The following NTM variants were observed in gnomAD, a reference collection of about 807,000 sequenced individuals.
The protein encoded by NTM is neurotrimin, also known as IgLON family member 2.
A neutral mutation model predicts 42.1 loss-of-function variants in NTM; 13 were observed. That is an observed-to-expected ratio of 0.31 (90% CI 0.20 to 0.49). The LOEUF (loss-of-function observed/expected upper bound fraction) is 0.49. NTM is among the 20% of genes least tolerant of loss of function. The probability of loss-of-function intolerance (pLI) is 0.99; values close to 1 mark genes in which losing one functional copy is unlikely to be tolerated. For missense variants in NTM, 373 were observed against 452.8 expected (o/e 0.82, Z 1.60); for synonymous variants, 187 against 179.2 (o/e 1.04, Z -0.35).
intron 4 of NTM, among the ~76,000 whole-genome samples, chr11:132,258,765 G>A (rs908008988): frequency 1.1e-4 from 17 of 152,212 alleles, no homozygotes; most frequent in Admixed American, 3.9e-4. Flanking sequence ...GGGACACCAC[G>A]TGGAAAAGAG....
intron 1 of NTM, among the ~76,000 whole-genome samples, chr11:131,462,414 A>G (rs1951466512): frequency 6.6e-6 from 1 of 152,218 alleles, no homozygotes; most frequent in African/African-American, 2.4e-5. Flanking sequence ...GTTTTAAAAA[A>G]CAAACAGTGA....
intron 3 of NTM, among the ~76,000 whole-genome samples, chr11:132,171,871 T>A (rs550430198): frequency 1.3e-5 from 2 of 152,350 alleles, no homozygotes; most frequent in South Asian, 4.1e-4. Context: ...TGCCCCTCTC[T>A]TGTTGGGACT....
At chr11:131,758,914 T>C (rs112946998) in intron 1 of NTM, among the ~76,000 whole-genome samples, 11 of 152,184 alleles carry the variant, frequency 7.2e-5, no homozygotes, top group African/African-American at 1.9e-4. Context: ...TCTTAAAGCC[T>C]GTACCGGCCT....
At chr11:132,081,722 TAA>T (rs543753433) in intron 2 of NTM, among the ~76,000 whole-genome samples, 36 of 127,882 alleles carry the variant, frequency 2.8e-4, no homozygotes, top group Admixed American at 9.5e-4. Flanking sequence ...AGACTCCATC[TAA>T]AAAAAAAAAA....
chr11:132,189,267 C>A (rs1451616228), intron 3 of NTM, among the ~76,000 whole-genome samples: 1 of 152,064 alleles, frequency 6.6e-6, no homozygotes, highest in East Asian at 1.9e-4. Flanking sequence ...AAAGAAATAG[C>A]CCAAATGTAA....
chr11:131,725,840 C>A (rs903326898), intron 1 of NTM, among the ~76,000 whole-genome samples: 2 of 152,144 alleles, frequency 1.3e-5, no homozygotes, highest in Non-Finnish European at 2.9e-5. Context: ...CAAACTTCAG[C>A]GTGAATCAGA....
rs561980114 is a variant in NTM at position 131,992,859 on chromosome 11, T to C, written c.167+81211T>C. On this transcript the variant is annotated intron_variant, in intron 2 of 8. Transcript: ENST00000683400. ...ATGAGACTGGAGAGGAATGGTTGCA[T>C]TGGAAATACCCAGAGAAAGACACTG... Among the ~76,000 whole-genome samples, 198 of 152,178 alleles carry C rather than the reference T, an allele frequency of 1.3e-3. 2 individuals are homozygous for C. Among genetic ancestry groups the C allele is most frequent in the Non-Finnish European group, 2.0e-3 (134 of 68,016 alleles).
intron 1 of NTM, among the ~76,000 whole-genome samples, chr11:131,414,362 C>T (rs962613471): frequency 3.9e-5 from 6 of 152,142 alleles, no homozygotes; most frequent in Non-Finnish European, 7.4e-5. Context: ...TCTGGCCTGC[C>T]CATTGCTGAG....
chr11:132,307,864 G>A, intron 5 of NTM, 41 bp downstream of exon 5: 1 of 1,599,958 alleles, frequency 6.3e-7, no homozygotes, highest in Non-Finnish European at 8.5e-7. Flanking sequence ...CGTGCATCAG[G>A]CTGGCCTGTT....
chr11:132,078,423 GC>G (rs1461521881), intron 2 of NTM, among the ~76,000 whole-genome samples: 1 of 152,220 alleles, frequency 6.6e-6, no homozygotes, highest in East Asian at 1.9e-4. Flanking sequence ...CTGGGTGAGT[GC>G]CACCGGTGAC....
intron 2 of NTM, among the ~76,000 whole-genome samples, chr11:131,949,015 C>A (rs2060688488): frequency 6.6e-6 from 1 of 152,182 alleles, no homozygotes. Flanking sequence ...CCGGGAGACA[C>A]CATTCTACGG....
At chr11:132,063,940 A>G (rs1156616854) in intron 2 of NTM, among the ~76,000 whole-genome samples, 3 of 152,342 alleles carry the variant, frequency 2.0e-5, no homozygotes, top group African/African-American at 7.2e-5. Flanking sequence ...CACACTTAAC[A>G]TGACCCACAA....
chr11:132,065,358 C>G (rs1307467716), intron 2 of NTM, among the ~76,000 whole-genome samples: 2 of 152,122 alleles, frequency 1.3e-5, no homozygotes, highest in African/African-American at 4.8e-5. Flanking sequence ...CAAACATCAT[C>G]TCAGGGCAAA....
rs545409892 is a variant in NTM, at chr11:131,851,968, C to T, written c.83-59596C>T. Among the ~76,000 whole-genome samples, 9 of 152,270 alleles carry T rather than the reference C, an allele frequency of 5.9e-5. No homozygotes were observed. The East Asian group carries it at 9.7e-4, about 16-fold the overall frequency. The stretch of plus-strand genomic sequence containing the variant: ...TAATCCCCTAAATCAATTTGCCTGC[C>T]TGGAACCCGGGTCTGGGGTGCTTGC... On this transcript the variant is annotated intron_variant, in intron 1 of 8. Transcript: ENST00000683400.
intron 1 of NTM, among the ~76,000 whole-genome samples, chr11:131,376,152 G>A (rs532131273): frequency 4.1e-4 from 62 of 152,298 alleles, no homozygotes; most frequent in South Asian, 2.3e-3. Flanking sequence ...CCCAGCTGAT[G>A]GGATGGAAGC....
chr11:131,853,216 A>G (rs2045766685), intron 1 of NTM, among the ~76,000 whole-genome samples: 1 of 152,220 alleles, frequency 6.6e-6, no homozygotes, highest in Middle Eastern at 3.4e-3. Flanking sequence ...GAGCACCATA[A>G]GCAGACTATT....
intron 1 of NTM, among the ~76,000 whole-genome samples, chr11:131,743,440 A>C (rs137877790): frequency 2.7e-4 from 41 of 152,350 alleles, no homozygotes; most frequent in African/African-American, 9.6e-4. Context: ...TTCTGCAAGA[A>C]TTATGAAACA....
intron 2 of NTM, among the ~76,000 whole-genome samples, chr11:132,014,547 T>G (rs2518016): frequency 0.35 from 52,417 of 151,730 alleles, 10,090 homozygotes; most frequent in East Asian, 0.81. Flanking sequence ...CTTTCTGCAT[T>G]ATTTTTTGTC....
intron 4 of NTM, 143 bp downstream of exon 4, chr11:132,212,290 A>G (rs2138676045): frequency 3.1e-6 from 2 of 650,558 alleles, no homozygotes; most frequent in East Asian, 2.7e-5. Flanking sequence ...ATGGCTCTGC[A>G]GAGAACGTTG....
Sources: allele counts gnomAD v4.1 joint callset (sites outside exome capture counted in the v4.1 genomes callset), GRCh38; gene constraint gnomAD v4.1.1; transcripts MANE v1.5; gene names NCBI Gene and HGNC (gene_info 2026-07-23, HGNC 2026-07-21).